CELSR1: variants seen among roughly 807,000 people sequenced by gnomAD.
CELSR1 encodes adhesion G protein-coupled receptor C1.
A neutral mutation model predicts 249.1 loss-of-function variants in CELSR1; 110 were observed. The ratio of observed to expected loss-of-function variants is 0.44; its 90% confidence interval spans 0.38 to 0.52. The LOEUF is 0.52. Ranked by LOEUF, CELSR1 falls within the 20% of genes least tolerant of loss-of-function variation. CELSR1 has a pLI of 0.00. For synonymous variants in CELSR1, 2,113 were observed against 1,900.0 expected (o/e 1.11, Z -2.92); for missense variants, 4,109 against 4,296.4 (o/e 0.96, Z 1.22).
chr22:46,435,639 G>GA (rs1161675428), intron 4 of CELSR1, among the ~76,000 whole-genome samples: 6 of 152,198 alleles, frequency 3.9e-5, no homozygotes, highest in Non-Finnish European at 7.4e-5. Flanking sequence ...CTTGGTTTCT[G>GA]AAAACATGAA....
rs572273067 is a variant in CELSR1, at chr22:46,448,856, C to A, written c.4184-9445G>T. Among the ~76,000 whole-genome samples, 103 of 152,232 alleles carry A rather than the reference C, an allele frequency of 6.8e-4. No individual in the cohort carries two copies. The highest frequency in any genetic ancestry group is 2.4e-3 in the African/African-American group (99 of 41,532). ...AAAGCACAGTCTTGAAGACACAACCCAACAGCGTGGCTCATGTGTCAGAAA... is the reference window on the plus strand; with the variant it reads ...AAAGCACAGTCTTGAAGACACAACCAAACAGCGTGGCTCATGTGTCAGAAA... On this transcript the variant is annotated intron_variant, in intron 2 of 34. Transcript: ENST00000674500. The surrounding 1 kb of genome is among the most constrained non-coding windows in gnomAD (Gnocchi z 5.7).
chr22:46,461,666 G>A (rs1263300344), intron 2 of CELSR1, among the ~76,000 whole-genome samples: 1 of 152,234 alleles, frequency 6.6e-6, no homozygotes, highest in Non-Finnish European at 1.5e-5. Flanking sequence ...AGAACAGGCT[G>A]GGGGAGGTCT....
rs12158793 is a variant in CELSR1, at chr22:46,446,014, C to G, written c.4184-6603G>C. ...ACTTGTCCCTTGCCTCGCGACAGCA[C>G]AGTCCTCCACAACGCTGGCCTCACC... On this transcript the variant is annotated intron_variant, in intron 2 of 34. Transcript: ENST00000674500. The surrounding 1 kb of genome is among the most constrained non-coding windows in gnomAD (Gnocchi z 5.5). Among the ~76,000 whole-genome samples the G allele has an allele frequency of 0.041, 6,307 of 152,264 alleles. 450 individuals are homozygous for G. Among genetic ancestry groups the G allele is most frequent in the African/African-American group, 0.14 (5,864 of 41,530 alleles).
chr22:46,371,102 T>C (rs959186287), intron 25 of CELSR1, among the ~76,000 whole-genome samples: 1 of 152,156 alleles, frequency 6.6e-6, no homozygotes, highest in Non-Finnish European at 1.5e-5. Flanking sequence ...CCCTGTCACA[T>C]CAGGAAGTGG....
chr22:46,428,834 G>GT lies in CELSR1; in HGVS notation c.4611+4558dup, dbSNP rs1256728746. ...TCCCCAGCGGGCCACACTGCCTGGT[G>GT]TCCATGTCAGGCACTACCTCCCCTG... is the stretch of plus-strand genomic sequence containing the variant. On this transcript the variant is annotated intron_variant, in intron 5 of 34. Transcript: ENST00000674500. This position sits in a 1 kb window ranked among gnomAD's most constrained non-coding sequence, Gnocchi z 5.7. 6.6e-6 allele frequency among the ~76,000 whole-genome samples: 1 copy of GT among 152,172 alleles called. No individual in the cohort carries two copies. The highest frequency in any genetic ancestry group is 2.4e-5 in the African/African-American group (1 of 41,454).
rs200928284 is a variant in CELSR1, at chr22:46,369,143, C to T, written c.7952+36G>A. 1.6e-5 allele frequency: 26 copies of T among 1,606,008 alleles called. No individual in the cohort carries two copies. The Middle Eastern group carries it at 6.6e-4, about 41-fold the overall frequency. ...GGACGTCGGGGTCTCAGGGCCCAGC[C>T]GACATGGCTGGCCGGTCAGGTTCAG... On this transcript the variant is annotated intron_variant, in intron 27 of 34. Transcript: ENST00000674500.
Position 46,448,684 on chromosome 22 carries a change from A to G in CELSR1, c.4184-9273T>C. On this transcript the variant is annotated intron_variant, in intron 2 of 34. Transcript: ENST00000674500. The surrounding 1 kb of genome is among the most constrained non-coding windows in gnomAD (Gnocchi z 5.7). ...AACGATCAAAATGAAACACAAGAAC[A>G]GAGAACAAGGAGTGAGTGGAAGGGC... 1 of 344,926 alleles carries G rather than the reference A, an allele frequency of 2.9e-6. No homozygotes were observed. 21.4% of individuals were successfully genotyped at this position (344,926 alleles called of 1,614,324 possible). A position where few individuals can be genotyped will look rare whatever the true frequency, so the allele number is the denominator to read the frequency against.
At chr22:46,394,438 T>TCA (rs1257315113) in intron 13 of CELSR1, among the ~76,000 whole-genome samples, 176 bp from the exon 14 acceptor site, 1 of 151,810 alleles carries the variant, frequency 6.6e-6, no homozygotes, top group Admixed American at 6.6e-5. Context: ...GCTCCCAACC[T>TCA]CACCCCCCAC....
In CELSR1 at chr22:46,374,606, C is replaced by T. The variant is rs1806956800; in HGVS notation, c.7585-1549G>A. ...GCTGCCGGGACAGCGCTCACTCCGG[C>T]AGGCGACGAGTCAGTGTGGGAACCC... On this transcript the variant is annotated intron_variant, in intron 24 of 34. Coordinates refer to ENST00000674500, the MANE Select transcript of CELSR1 (RefSeq NM_001378328.1). The surrounding 1 kb of genome is among the most constrained non-coding windows in gnomAD (Gnocchi z 4.3). 1.3e-5 allele frequency among the ~76,000 whole-genome samples: 2 copies of T among 152,158 alleles called. 1 individual carries two copies. Among genetic ancestry groups the T allele is most frequent in the South Asian group, 4.1e-4 (2 of 4,830 alleles).
chr22:46,368,942 G>C (rs1569106762), intron 27 of CELSR1, among the ~76,000 whole-genome samples: 1 of 151,780 alleles, frequency 6.6e-6, no homozygotes, highest in Non-Finnish European at 1.5e-5. Flanking sequence ...AGGACTGGCT[G>C]CCAGCCCCCT....
Position 46,391,353 on chromosome 22 carries a change from CACT to C in CELSR1, c.6149-69_6149-67del. ...CACACCCACGACCACAAACAGGCAC[CACT>C]GTCTGCATGCGCCTCCCTGCAGGAG... On this transcript the variant is annotated intron_variant, in intron 15 of 34. Transcript: ENST00000674500. The surrounding 1 kb of genome is among the most constrained non-coding windows in gnomAD (Gnocchi z 4.3). 1 of 1,413,972 alleles carries C rather than the reference CACT, an allele frequency of 7.1e-7. No homozygotes were observed. The highest frequency in any genetic ancestry group is 9.9e-7 in the Non-Finnish European group (1 of 1,010,948). The allele number at this position is 1,413,972 out of a possible 1,614,324, so 87.6% of individuals were successfully genotyped here.
At chr22:46,419,967 GCACTCACCCTTATGTA>G (rs1199199296) in intron 5 of CELSR1, among the ~76,000 whole-genome samples, 2 of 150,172 alleles carry the variant, frequency 1.3e-5, no homozygotes, top group African/African-American at 4.9e-5. Flanking sequence ...ACGCACACGT[GCACTCACCCTTATGTA>G]CACTCACCCA....
intron 1 of CELSR1, among the ~76,000 whole-genome samples, chr22:46,530,679 T>C (rs1460737141): frequency 6.6e-6 from 1 of 152,218 alleles, no homozygotes; most frequent in East Asian, 1.9e-4. Context: ...TTTCAAAAAA[T>C]GTTTTCTCCT....
chr22:46,507,804 C>G (rs548667601), intron 1 of CELSR1, among the ~76,000 whole-genome samples: 28 of 152,296 alleles, frequency 1.8e-4, no homozygotes, highest in Admixed American at 1.3e-3. Context: ...AGCCGGCGAG[C>G]CTGCCTCTTT....
In CELSR1 at chr22:46,364,110, G is replaced by C; in HGVS notation, c.8921C>G (p.Pro2974Arg). Residue 2974 changes from proline to arginine, a missense_variant, in exon 34 of 35, where the codon CCC (proline) becomes CGC (arginine). This residue lies in a region of CELSR1 where 1,805 missense variants were observed against 1,831.6 expected (regional missense o/e 0.99). Coordinates refer to ENST00000674500, the MANE Select transcript of CELSR1 (RefSeq NM_001378328.1). The stretch of plus-strand genomic sequence containing the variant: ...GCTCTTGACTGTGATGGCGCAGTCG[G>C]GGCCGCCAGAGCCCAGGGAAGACGT... ...SRTSSLGSGGPDCAITVKSPG... is the reference protein window; with the variant it reads ...SRTSSLGSGGRDCAITVKSPG... 6.2e-7 allele frequency: 1 copy of C among 1,612,276 alleles called. No homozygotes were observed. Among genetic ancestry groups the C allele is most frequent in the African/African-American group, 1.3e-5 (1 of 75,056 alleles).
At chr22:46,499,176 T>C (rs1429616527) in intron 1 of CELSR1, among the ~76,000 whole-genome samples, 14 of 126,018 alleles carry the variant, frequency 1.1e-4, no homozygotes, top group Non-Finnish European at 2.1e-4. Context: ...TAAGACTCTG[T>C]TGCAAATCTA....
intron 1 of CELSR1, among the ~76,000 whole-genome samples, chr22:46,470,447 C>A (rs992559296): frequency 6.6e-6 from 1 of 151,900 alleles, no homozygotes; most frequent in Non-Finnish European, 1.5e-5. Flanking sequence ...CAGAGAAACA[C>A]CCCGGAACAA....
At chr22:46,479,618 G>C (rs569216940) in intron 1 of CELSR1, among the ~76,000 whole-genome samples, 7 of 138,232 alleles carry the variant, frequency 5.1e-5, no homozygotes, top group East Asian at 2.5e-4. Flanking sequence ...GACTTTTTGG[G>C]GGGGGGCCGG....
chr22:46,381,800 G>C lies in CELSR1; in HGVS notation c.7088+46C>G. The C allele has an allele frequency of 6.7e-7, 1 of 1,500,964 alleles. No homozygotes were observed. The highest frequency in any genetic ancestry group is 9.0e-7 in the Non-Finnish European group (1 of 1,116,850). The allele number at this position is 1,500,964 out of a possible 1,614,324, so 93.0% of individuals were successfully genotyped here. On this transcript the variant is annotated intron_variant, in intron 21 of 34. Coordinates refer to ENST00000674500, the MANE Select transcript of CELSR1 (RefSeq NM_001378328.1). This position sits in a 1 kb window ranked among gnomAD's most constrained non-coding sequence, Gnocchi z 6.0. ...ATTTTGACCTGTGGAAGCCTCAGGA[G>C]CCTCCAGAACGGGCCCTCCCCGTGT...
Sources: gnomAD v4.1 joint callset for allele counts (sites outside exome capture counted in the v4.1 genomes callset) on GRCh38, gnomAD v4.1.1 for gene constraint, gnomAD v4.1.1 regional missense constraint, Gnocchi (gnomAD v3.1) non-coding constraint, MANE v1.5 for transcripts, NCBI Gene and HGNC (gene_info 2026-07-23, HGNC 2026-07-21) for gene names.